RBFOX3: variants seen among roughly 807,000 people sequenced by gnomAD.
RBFOX3 encodes the protein RNA binding fox-1 homolog 3.
In RBFOX3, 17 loss-of-function variants were observed where a neutral mutation model predicts 48.7. That is an observed-to-expected ratio of 0.35 (90% CI 0.24 to 0.52). RBFOX3 has a LOEUF of 0.52. RBFOX3 is among the 20% of genes least tolerant of loss of function. The pLI, the probability that RBFOX3 is intolerant of heterozygous loss-of-function variation, is 0.94. For synonymous variants in RBFOX3, 212 were observed against 209.5 expected (o/e 1.01, Z -0.10); for missense variants, 382 against 497.5 (o/e 0.77, Z 2.21).
rs562579137 is a variant in RBFOX3 at position 79,181,703 on chromosome 17, A to C, written c.-34+54063T>G. Among the ~76,000 whole-genome samples the C allele has an allele frequency of 1.8e-4, 27 of 152,164 alleles. No individual in the cohort carries two copies. The Middle Eastern group carries it at 0.01, about 58-fold the overall frequency. On this transcript the variant is annotated intron_variant, in intron 4 of 14. Transcript: ENST00000693108. ...GCTCCTGGACCAGCCTCTGCTCCTG[A>C]CCATCACACAGTTCCCCTGTCCCTC...
chr17:79,619,966 A>C, the RBFOX3 span, among the ~76,000 whole-genome samples: 11 of 152,248 alleles, frequency 7.2e-5, no homozygotes, highest in Non-Finnish European at 1.2e-4. Flanking sequence ...CCTGGAGCCC[A>C]AGCCAACCAC....
chr17:79,414,586 C>T lies in RBFOX3; in HGVS notation c.-175+67868G>A, dbSNP rs566549229. 7.9e-5 allele frequency among the ~76,000 whole-genome samples: 12 copies of T among 152,304 alleles called. 1 individual carries two copies. The highest frequency in any genetic ancestry group is 4.1e-4 in the South Asian group (2 of 4,824). On this transcript the variant is annotated intron_variant, in intron 2 of 14. Transcript: ENST00000693108. ...CTTCCTAAGCCTGTGTCTGACTGTC[C>T]GTCTGGCTGTCTGTTCGCCTGCCTG...
intron 1 of RBFOX3, among the ~76,000 whole-genome samples, chr17:79,541,970 C>G (rs1165968418): frequency 9.9e-5 from 15 of 152,034 alleles, no homozygotes; most frequent in African/African-American, 3.4e-4. Flanking sequence ...GGGGCCTTCC[C>G]TCGAGTGTTT....
At chr17:79,498,247 T>C (rs1271832455) in intron 1 of RBFOX3, among the ~76,000 whole-genome samples, 2 of 152,178 alleles carry the variant, frequency 1.3e-5, no homozygotes, top group Non-Finnish European at 2.9e-5. Flanking sequence ...GGAACTCGTT[T>C]TCCTTTTGCG....
At chr17:79,114,318 T>TA (rs1287554303) in intron 5 of RBFOX3, among the ~76,000 whole-genome samples, 1 of 152,128 alleles carries the variant, frequency 6.6e-6, no homozygotes, top group East Asian at 1.9e-4. Context: ...CCTGTGGCTG[T>TA]AGGAACCCTG....
In RBFOX3 at chr17:79,558,317, G is replaced by A. The variant is rs957945949; in HGVS notation, c.-320+52509C>T. Among the ~76,000 whole-genome samples the A allele has an allele frequency of 2.6e-4, 40 of 152,328 alleles. No homozygotes were observed. In the East Asian group the frequency reaches 6.4e-3, roughly 24 times the overall value. ...TCAGAAAAATATTTGCTAACACAGA[G>A]AGAGTGAGAGCCAGGATCTCCCGCC... On this transcript the variant is annotated intron_variant, in intron 1 of 14. Transcript: ENST00000693108.
intron 4 of RBFOX3, among the ~76,000 whole-genome samples, chr17:79,209,825 C>G (rs1454924037): frequency 6.6e-6 from 1 of 151,922 alleles, no homozygotes; most frequent in Admixed American, 6.6e-5. Flanking sequence ...AACCCCGTCT[C>G]TACTAAACAA....
At chr17:79,554,714 G>A (rs1221353298) in intron 1 of RBFOX3, among the ~76,000 whole-genome samples, 8 of 152,284 alleles carry the variant, frequency 5.3e-5, no homozygotes, top group East Asian at 3.9e-4. Context: ...AAAATTACAG[G>A]GTGGATAGTA....
At chr17:79,094,282 G>A (rs1400362069) in intron 14 of RBFOX3, 169 bp downstream of exon 14, 8 of 503,840 alleles carry the variant, frequency 1.6e-5, no homozygotes, top group Non-Finnish European at 2.1e-5. Flanking sequence ...GAGAGGGCGT[G>A]AGGGGCCAGC....
chr17:79,267,187 A>G (rs2066857089), intron 3 of RBFOX3, among the ~76,000 whole-genome samples: 1 of 151,802 alleles, frequency 6.6e-6, no homozygotes, highest in African/African-American at 2.4e-5. Context: ...AGGGGGCATC[A>G]CACCAGATGC....
chr17:79,295,917 A>G (rs1452468469), intron 3 of RBFOX3, among the ~76,000 whole-genome samples: 1 of 152,130 alleles, frequency 6.6e-6, no homozygotes, highest in Non-Finnish European at 1.5e-5. Context: ...TTTGTAAATA[A>G]TACTTAATTG....
intron 1 of RBFOX3, among the ~76,000 whole-genome samples, chr17:79,562,623 C>T (rs1470803543): frequency 6.6e-6 from 1 of 152,222 alleles, no homozygotes; most frequent in Non-Finnish European, 1.5e-5. Context: ...TGAAAATACA[C>T]ATCCAGCACG....
intron 3 of RBFOX3, among the ~76,000 whole-genome samples, chr17:79,245,754 T>A (rs1228932246): frequency 6.6e-6 from 1 of 151,476 alleles, no homozygotes; most frequent in Non-Finnish European, 1.5e-5. Context: ...CAGCCTCCCG[T>A]GTAGCTGGGA....
intron 4 of RBFOX3, among the ~76,000 whole-genome samples, chr17:79,126,672 AC>A (rs2037389655): frequency 6.6e-6 from 1 of 152,090 alleles, no homozygotes; most frequent in African/African-American, 2.4e-5. Flanking sequence ...GCAATTGAGC[AC>A]CCTGAACACT....
intron 1 of RBFOX3, among the ~76,000 whole-genome samples, chr17:79,571,855 G>A (rs1469876428): frequency 2.0e-5 from 3 of 152,108 alleles, no homozygotes; most frequent in Admixed American, 6.5e-5. Flanking sequence ...GCCTGTGGTG[G>A]CGACAATAGA....
chr17:79,640,184 A>G, the RBFOX3 span, among the ~76,000 whole-genome samples: 3 of 152,214 alleles, frequency 2.0e-5, no homozygotes. Context: ...AGTATGTGAA[A>G]AGGAAATTAA....
In RBFOX3 at chr17:79,602,956, C is replaced by T. The variant is rs1380149546; in HGVS notation, c.-320+7870G>A. Among the ~76,000 whole-genome samples the T allele has an allele frequency of 1.8e-4, 28 of 151,448 alleles. 1 individual carries two copies. Among genetic ancestry groups the T allele is most frequent in the African/African-American group, 6.8e-4 (28 of 41,150 alleles). On this transcript the variant is annotated intron_variant, in intron 1 of 14. Transcript: ENST00000693108. ...ACTCCCTTTGCAAAAGCAAGAGGAC[C>T]TGCTGCAGTGCCCCTCTCTCCTTGA... is the stretch of plus-strand genomic sequence containing the variant.
At chr17:79,662,753 T>C in the RBFOX3 span, among the ~76,000 whole-genome samples, 1 of 152,036 alleles carries the variant, frequency 6.6e-6, no homozygotes, top group African/African-American at 2.4e-5. Flanking sequence ...AATAAAAAGT[T>C]TGTAGAGGAA....
In RBFOX3 at chr17:79,165,968, G is replaced by A. The variant is rs532613837; in HGVS notation, c.-33-50220C>T. 5.0e-4 allele frequency among the ~76,000 whole-genome samples: 76 copies of A among 152,366 alleles called. 1 individual carries two copies. The highest frequency in any genetic ancestry group is 4.6e-3 in the Admixed American group (71 of 15,314). ...TGAGCCAAGGCCCTGCAGGGCACCC[G>A]CGTGCACTGGCCGGGGAGGGATGTG... On this transcript the variant is annotated intron_variant, in intron 4 of 14. Coordinates refer to ENST00000693108, the MANE Select transcript of RBFOX3 (RefSeq NM_001350451.2).
Sources: gnomAD v4.1 joint callset for allele counts (sites outside exome capture counted in the v4.1 genomes callset) on GRCh38, gnomAD v4.1.1 for gene constraint, MANE v1.5 for transcripts, NCBI Gene and HGNC (gene_info 2026-07-23, HGNC 2026-07-21) for gene names.